Variants in SYNPR observed in about 807,000 individuals in gnomAD.
SYNPR encodes the protein synaptoporin.
SYNPR carries 23 observed loss-of-function variants against 32.9 expected under a neutral mutation model. The observed-to-expected ratio is 0.70, with a 90% CI of 0.50 to 0.99. The LOEUF is 0.99. Among genes scored for constraint, SYNPR ranks in the 50% least tolerant of loss-of-function variants. The pLI, the probability that SYNPR is intolerant of heterozygous loss-of-function variation, is 0.00. For synonymous variants in SYNPR, 146 were observed against 135.9 expected (o/e 1.07, Z -0.52); for missense variants, 318 against 349.3 (o/e 0.91, Z 0.71).
At chr3:63,511,006 C>T (rs772763832) in intron 3 of SYNPR, among the ~76,000 whole-genome samples, 1 of 150,024 alleles carries the variant, frequency 6.7e-6, no homozygotes, top group Non-Finnish European at 1.5e-5. Flanking sequence ...ATGTGGGATG[C>T]TTGTTGAAAT....
rs34925541 is a variant in SYNPR at position 63,540,891 on chromosome 3, T to TACACACACACAC, written c.210-15636_210-15625dup. 2.5e-4 allele frequency among the ~76,000 whole-genome samples: 31 copies of TACACACACACAC among 122,938 alleles called. 1 individual carries two copies. The highest frequency in any genetic ancestry group is 9.5e-4 in the African/African-American group (30 of 31,746). The allele number at this position is 122,938 out of a possible 152,430, so 80.7% of individuals were successfully genotyped here. A position where few individuals can be genotyped will look rare whatever the true frequency, so the allele number is the denominator to read the frequency against. On this transcript the variant is annotated intron_variant, in intron 3 of 5. Transcript: ENST00000478300. ...GTGAAATTTCACCTCCTATCACTCC[T>TACACACACACAC]ACACACACACACACACACACACACA...
At chr3:63,240,712 C>T (rs1004155987) in intron 1 of SYNPR, among the ~76,000 whole-genome samples, 2 of 152,126 alleles carry the variant, frequency 1.3e-5, no homozygotes, top group Admixed American at 6.6e-5. Flanking sequence ...CCATGACCTG[C>T]ACTGTGCTGG....
At chr3:63,568,936 T>C (rs1238099850) in intron 4 of SYNPR, among the ~76,000 whole-genome samples, 1 of 152,174 alleles carries the variant, frequency 6.6e-6, no homozygotes, top group African/African-American at 2.4e-5. Flanking sequence ...TAAGCACCTA[T>C]GCATCAAAAT....
At chr3:63,279,088 T>A (rs1560177050) in intron 2 of SYNPR, among the ~76,000 whole-genome samples, 1 of 152,064 alleles carries the variant, frequency 6.6e-6, no homozygotes, top group Non-Finnish European at 1.5e-5. Context: ...TTCTGGCCCC[T>A]CACCTGGACC....
At chr3:63,443,915 T>G (rs144214427) in intron 2 of SYNPR, among the ~76,000 whole-genome samples, 97 of 152,344 alleles carry the variant, frequency 6.4e-4, no homozygotes, top group African/African-American at 2.3e-3. Flanking sequence ...CCAAATATTA[T>G]ATGTTGTGCT....
intron 1 of SYNPR, among the ~76,000 whole-genome samples, chr3:63,235,642 A>G (rs960654962): frequency 1.3e-5 from 2 of 152,168 alleles, no homozygotes; most frequent in Non-Finnish European, 2.9e-5. Flanking sequence ...CAAAATTTTA[A>G]TAACTCCTAC....
chr3:63,374,386 T>C (rs1055607524), intron 2 of SYNPR, among the ~76,000 whole-genome samples: 4 of 152,162 alleles, frequency 2.6e-5, no homozygotes, highest in African/African-American at 7.2e-5. Context: ...AGCTAAACAA[T>C]GAGAACTCAT....
chr3:63,252,122 TAAA>T (rs2086338269), intron 1 of SYNPR, among the ~76,000 whole-genome samples: 1 of 152,022 alleles, frequency 6.6e-6, no homozygotes, highest in African/African-American at 2.4e-5. Flanking sequence ...AATTTTAAAT[TAAA>T]AAAGACAAGG....
At chr3:63,478,030 G>C (rs1218856832) in intron 2 of SYNPR, among the ~76,000 whole-genome samples, 3 of 152,140 alleles carry the variant, frequency 2.0e-5, no homozygotes, top group Non-Finnish European at 4.4e-5. Context: ...AGGACTATGG[G>C]GAAGGGAGAA....
At chr3:63,396,015 A>AT (rs1467162836) in intron 2 of SYNPR, among the ~76,000 whole-genome samples, 1 of 152,242 alleles carries the variant, frequency 6.6e-6, no homozygotes. Context: ...CAGCCTAATC[A>AT]TGTTAGCTAT....
At chr3:63,594,194 A>G (rs1196140800) in intron 4 of SYNPR, among the ~76,000 whole-genome samples, 5 of 152,278 alleles carry the variant, frequency 3.3e-5, no homozygotes, top group South Asian at 4.1e-4. Context: ...CCTTCATTCA[A>G]TATAATGAGG....
chr3:63,312,648 C>T (rs911287822), intron 2 of SYNPR, among the ~76,000 whole-genome samples: 4 of 152,012 alleles, frequency 2.6e-5, no homozygotes, highest in Non-Finnish European at 5.9e-5. Context: ...TCCTTCCTGA[C>T]GTAATGGAAT....
intron 4 of SYNPR, among the ~76,000 whole-genome samples, chr3:63,561,012 G>C (rs1015274429): frequency 5.9e-5 from 9 of 152,140 alleles, no homozygotes; most frequent in Non-Finnish European, 1.3e-4. Context: ...AAAAATTTAT[G>C]TAATTTGTGA....
At chr3:63,502,544 T>C (rs966353276) in intron 3 of SYNPR, among the ~76,000 whole-genome samples, 2 of 152,156 alleles carry the variant, frequency 1.3e-5, no homozygotes, top group African/African-American at 4.8e-5. Flanking sequence ...TGTGATCTGC[T>C]TATTCACCAC....
At chr3:63,363,357 T>C (rs2087687279) in intron 2 of SYNPR, among the ~76,000 whole-genome samples, 3 of 152,206 alleles carry the variant, frequency 2.0e-5, no homozygotes, top group Admixed American at 1.3e-4. Flanking sequence ...TAAAACCACC[T>C]TTCAGGATCA....
At chr3:63,610,557 A>C in intron 5 of SYNPR, 1 of 691,040 alleles carries the variant, frequency 1.4e-6, no homozygotes, top group Non-Finnish European at 2.6e-6. Context: ...TGCTTTGGTG[A>C]GATAGTAACC....
At chr3:63,587,599 C>T (rs749496928) in intron 4 of SYNPR, among the ~76,000 whole-genome samples, 39 of 151,942 alleles carry the variant, frequency 2.6e-4, no homozygotes, top group Non-Finnish European at 4.0e-4. Flanking sequence ...TTCTGGTTTC[C>T]GGGAAGGCGT....
intron 2 of SYNPR, among the ~76,000 whole-genome samples, chr3:63,463,480 T>C (rs1700623486): frequency 6.6e-6 from 1 of 152,174 alleles, no homozygotes; most frequent in Non-Finnish European, 1.5e-5. Flanking sequence ...TGTGAATGAA[T>C]GTGAGGGATA....
intron 2 of SYNPR, among the ~76,000 whole-genome samples, chr3:63,323,697 A>G (rs1282156238): frequency 2.0e-5 from 3 of 152,238 alleles, no homozygotes; most frequent in South Asian, 4.1e-4. Flanking sequence ...AGAATAGACA[A>G]AGAAAAGAAA....
Sources: allele counts gnomAD v4.1 joint callset (sites outside exome capture counted in the v4.1 genomes callset), GRCh38; gene constraint gnomAD v4.1.1; transcripts MANE v1.5; gene names NCBI Gene and HGNC (gene_info 2026-07-23, HGNC 2026-07-21).